CSMD1: variants seen among roughly 807,000 people sequenced by gnomAD.
The protein encoded by CSMD1 is CUB and sushi domain-containing protein 1.
Under a neutral mutation model 417.5 loss-of-function variants are expected in CSMD1, and 213 were observed. The observed-to-expected ratio is 0.51, with a 90% CI of 0.46 to 0.57. CSMD1 has a LOEUF of 0.57. Ranked by LOEUF, CSMD1 falls within the 20% of genes least tolerant of loss-of-function variation. CSMD1 has a pLI of 0.00. For missense variants in CSMD1, 6,923 were observed against 4,529.7 expected (o/e 1.53, Z -15.17); for synonymous variants, 2,862 against 1,736.8 (o/e 1.65, Z -16.11).
chr8:4,643,353 C>A (rs1402704804), intron 1 of CSMD1, among the ~76,000 whole-genome samples: 1 of 152,180 alleles, frequency 6.6e-6, no homozygotes, highest in Middle Eastern at 3.4e-3. Flanking sequence ...TAAACGAGAA[C>A]TTGATTACTT....
intron 1 of CSMD1, among the ~76,000 whole-genome samples, chr8:4,647,770 AT>A (rs921464086): frequency 1.3e-5 from 2 of 152,186 alleles, no homozygotes; most frequent in African/African-American, 2.4e-5. Context: ...GCTGCATAGT[AT>A]TCCATGGTGT....
intron 25 of CSMD1, 116 bp from the exon 26 acceptor site, chr8:3,284,462 C>T (rs192392163): frequency 7.4e-5 from 53 of 711,576 alleles, no homozygotes; most frequent in Non-Finnish European, 1.2e-4. Context: ...ACATGTGCCT[C>T]GGTACTTACT....
intron 33 of CSMD1, among the ~76,000 whole-genome samples, chr8:3,197,113 T>C (rs1051541512): frequency 7.2e-5 from 11 of 152,194 alleles, no homozygotes; most frequent in African/African-American, 2.2e-4. Context: ...TAGACTTACA[T>C]TGCTTCAGAA....
intron 23 of CSMD1, among the ~76,000 whole-genome samples, chr8:3,312,692 T>C (rs1805441827): frequency 6.6e-6 from 1 of 152,170 alleles, no homozygotes; most frequent in Non-Finnish European, 1.5e-5. Context: ...CTACTTCGTG[T>C]CACTTGCGCC....
chr8:4,192,376 T>C (rs1487646419), intron 3 of CSMD1, among the ~76,000 whole-genome samples: 1 of 152,166 alleles, frequency 6.6e-6, no homozygotes, highest in African/African-American at 2.4e-5. Flanking sequence ...AGACTCTTTC[T>C]CTTGCTCTCT....
At chr8:3,276,436 T>C (rs34649937) in intron 26 of CSMD1, among the ~76,000 whole-genome samples, 1 of 152,020 alleles carries the variant, frequency 6.6e-6, no homozygotes, top group South Asian at 2.1e-4. Flanking sequence ...GCAAGTCACA[T>C]CTTACATGGT....
intron 11 of CSMD1, among the ~76,000 whole-genome samples, chr8:3,472,012 C>A (rs994974481): frequency 3.3e-5 from 5 of 152,066 alleles, no homozygotes; most frequent in East Asian, 1.9e-4. Flanking sequence ...CCACTTTACA[C>A]CCCTTTCACT....
At chr8:4,737,316 C>T in intron 1 of CSMD1, among the ~76,000 whole-genome samples, 1 of 151,854 alleles carries the variant, frequency 6.6e-6, no homozygotes, top group East Asian at 1.9e-4. Context: ...GGAGGAACAA[C>T]ACACCCTGGG....
At chr8:3,230,320 C>G (rs1204651808) in intron 26 of CSMD1, 89 bp from the exon 27 acceptor site, 7 of 1,032,300 alleles carry the variant, frequency 6.8e-6, no homozygotes, top group South Asian at 1.9e-5. Flanking sequence ...GGTTGAAGCA[C>G]TCTTCATTGG....
intron 1 of CSMD1, among the ~76,000 whole-genome samples, chr8:4,969,649 T>C (rs1810111945): frequency 1.3e-5 from 2 of 152,084 alleles, no homozygotes; most frequent in African/African-American, 4.8e-5. Flanking sequence ...TTGTTCATTT[T>C]GAGCCCATTG....
intron 39 of CSMD1, among the ~76,000 whole-genome samples, chr8:3,156,537 G>C (rs937231165): frequency 6.6e-6 from 1 of 152,158 alleles, no homozygotes; most frequent in African/African-American, 2.4e-5. Context: ...TGGTAGCCCA[G>C]GGTAGAGATG....
chr8:4,124,840 C>G (rs540559905), intron 3 of CSMD1, among the ~76,000 whole-genome samples: 2 of 152,142 alleles, frequency 1.3e-5, no homozygotes, highest in East Asian at 3.9e-4. Context: ...AACCCACAAG[C>G]AGATACAAAA....
At chr8:4,295,069 TACACAC>T (rs1797584894) in intron 3 of CSMD1, among the ~76,000 whole-genome samples, 1 of 97,042 alleles carries the variant, frequency 1.0e-5, no homozygotes, top group African/African-American at 3.2e-5. Flanking sequence ...ATCTTAAGAT[TACACAC>T]ATATAATCTT....
intron 2 of CSMD1, among the ~76,000 whole-genome samples, chr8:4,623,929 C>T (rs1397937110): frequency 2.0e-5 from 3 of 152,026 alleles, no homozygotes; most frequent in Non-Finnish European, 2.9e-5. Flanking sequence ...TGGTGTTCCA[C>T]GGTTGTATAT....
intron 3 of CSMD1, among the ~76,000 whole-genome samples, chr8:4,342,916 C>G (rs899965065): frequency 1.3e-5 from 2 of 152,000 alleles, no homozygotes; most frequent in African/African-American, 4.8e-5. Flanking sequence ...TTAGAGAATT[C>G]CAAGATATGC....
At chr8:3,461,685 C>T (rs543903240) in intron 12 of CSMD1, among the ~76,000 whole-genome samples, 1 of 152,180 alleles carries the variant, frequency 6.6e-6, no homozygotes, top group African/African-American at 2.4e-5. Flanking sequence ...ATGGAAGCAG[C>T]CATCATCCTT....
intron 5 of CSMD1, among the ~76,000 whole-genome samples, chr8:3,757,071 G>T (rs2129054818): frequency 6.6e-6 from 1 of 152,250 alleles, no homozygotes; most frequent in South Asian, 2.1e-4. Flanking sequence ...TCAGAGTGCT[G>T]GGATTACAGG....
chr8:3,431,829 C>A (rs1814234573), intron 12 of CSMD1, among the ~76,000 whole-genome samples: 1 of 152,178 alleles, frequency 6.6e-6, no homozygotes, highest in African/African-American at 2.4e-5. Flanking sequence ...TTATTCCATA[C>A]AATTGTCATT....
chr8:3,097,987 C>T (rs1003193437), intron 46 of CSMD1, among the ~76,000 whole-genome samples: 1 of 152,204 alleles, frequency 6.6e-6, no homozygotes, highest in Admixed American at 6.5e-5. Context: ...TATTATTCAA[C>T]TACTTCCAGT....
Sources: gnomAD v4.1 joint callset for allele counts (sites outside exome capture counted in the v4.1 genomes callset) on GRCh38, gnomAD v4.1.1 for gene constraint, MANE v1.5 for transcripts, NCBI Gene and HGNC (gene_info 2026-07-23, HGNC 2026-07-21) for gene names.